The following GPR161 variants were observed in gnomAD, a reference collection of about 807,000 sequenced individuals.
GPR161 encodes the protein G protein-coupled receptor 161, also known as G-protein coupled receptor RE2.
In GPR161, 25 loss-of-function variants were observed where a neutral mutation model predicts 39.2. That is an observed-to-expected ratio of 0.64 (90% CI 0.47 to 0.89). The LOEUF is 0.89. Ranked by LOEUF, GPR161 falls within the 40% of genes least tolerant of loss-of-function variation. GPR161 has a pLI of 0.00. For missense variants in GPR161, 547 were observed against 677.8 expected (o/e 0.81, Z 2.14); for synonymous variants, 286 against 276.6 (o/e 1.03, Z -0.34).
chr1:168,120,567 G>T (rs1405056454), intron 1 of GPR161, among the ~76,000 whole-genome samples: 1 of 152,178 alleles, frequency 6.6e-6, no homozygotes, highest in Non-Finnish European at 1.5e-5. Context: ...AAGGACATTA[G>T]ATTTGGGAGG....
chr1:168,111,517 AGAAAG>A (rs1387617701), intron 1 of GPR161, among the ~76,000 whole-genome samples: 1 of 152,228 alleles, frequency 6.6e-6, no homozygotes, highest in Non-Finnish European at 1.5e-5. Context: ...TGGCAAAGAC[AGAAAG>A]GGAGCCTGGA....
chr1:168,101,851 G>A (rs879598830), intron 2 of GPR161, among the ~76,000 whole-genome samples: 9 of 151,990 alleles, frequency 5.9e-5, no homozygotes, highest in Non-Finnish European at 1.2e-4. Context: ...TTGTCACCCA[G>A]GCTGGAGTGC....
At chr1:168,129,595 A>C (rs1221583542) in intron 1 of GPR161, among the ~76,000 whole-genome samples, 1 of 152,226 alleles carries the variant, frequency 6.6e-6, no homozygotes, top group Non-Finnish European at 1.5e-5. Flanking sequence ...GGTCATGGTA[A>C]CAGAAGTGTT....
At chr1:168,123,923 A>G (rs1423753462) in intron 1 of GPR161, among the ~76,000 whole-genome samples, 1 of 152,232 alleles carries the variant, frequency 6.6e-6, no homozygotes, top group Non-Finnish European at 1.5e-5. Flanking sequence ...CCAGCTAGTC[A>G]ACCCCTTTTT....
At position 168,131,231 on chromosome 1, in the gene GPR161, A is replaced by G. The variant is rs1418065499; in HGVS notation, c.-45+5508T>C. Among the ~76,000 whole-genome samples, 14 of 144,606 alleles carry G rather than the reference A, an allele frequency of 9.7e-5. No homozygotes were observed. The East Asian group carries it at 2.8e-3, about 29-fold the overall frequency. 94.9% of individuals were successfully genotyped at this position (144,606 alleles called of 152,430 possible). ...GATCTCACCCCCACCCTTACCCCCC[A>G]CACCAATCTCTCCTCCCAACTATTG... is the stretch of plus-strand genomic sequence containing the variant. On this transcript the variant is annotated intron_variant, in intron 1 of 5. Coordinates refer to ENST00000682931, the MANE Select transcript of GPR161 (RefSeq NM_001375883.1).
intron 4 of GPR161, 179 bp downstream of exon 4, chr1:168,090,385 G>C: frequency 1.9e-6 from 1 of 518,960 alleles, no homozygotes; most frequent in Middle Eastern, 4.2e-4. Flanking sequence ...CTGAGACACA[G>C]GAAAGCTGAA....
chr1:168,114,743 C>T (rs1572343683), intron 1 of GPR161, among the ~76,000 whole-genome samples: 1 of 152,220 alleles, frequency 6.6e-6, no homozygotes, highest in African/African-American at 2.4e-5. Context: ...GTGCCTGGAG[C>T]AGCATCTGGT....
intron 2 of GPR161, among the ~76,000 whole-genome samples, chr1:168,101,731 T>C (rs904046875): frequency 5.9e-5 from 9 of 152,230 alleles, no homozygotes; most frequent in African/African-American, 1.4e-4. Context: ...GCCTGGAATA[T>C]GACAAGCGTG....
chr1:168,137,544 C>G, upstream of GPR161: 1 of 704,304 alleles, frequency 1.4e-6, no homozygotes, highest in East Asian at 2.7e-5. Flanking sequence ...GCCCTGCACT[C>G]CCTCGGAACC....
chr1:168,130,859 C>G (rs2102262675), intron 1 of GPR161, among the ~76,000 whole-genome samples: 1 of 152,242 alleles, frequency 6.6e-6, no homozygotes, highest in East Asian at 1.9e-4. Context: ...TTTCTCTACC[C>G]TAGATAAAAC....
chr1:168,096,705 A>G lies in GPR161; in HGVS notation c.902T>C (p.Val301Ala), dbSNP rs1435602102. The stretch of plus-strand genomic sequence containing the variant: ...GGCCCAAGTCTCCAGGCTCGGGGAG[A>G]CGGAGCTTTTCCCCCAGAGGGCCTC... The part of the protein sequence containing the change: ...ASEALWGKSS[V>A]SPSLETWATW... The change falls in exon 3 of 6, where the codon GTC becomes GCC. Residue 301 changes from valine (V) to alanine (A), a missense_variant. Transcript: ENST00000682931. 1.1e-5 allele frequency: 17 copies of G among 1,613,830 alleles called. No homozygotes were observed. Among genetic ancestry groups the G allele is most frequent in the Middle Eastern group, 1.6e-4 (1 of 6,062 alleles).
intron 1 of GPR161, chr1:168,135,178 G>T: frequency 1.8e-6 from 2 of 1,082,812 alleles, no homozygotes; most frequent in Non-Finnish European, 2.5e-6. Flanking sequence ...CTGAGTTAAA[G>T]AACTCACCTG....
chr1:168,127,818 G>A, intron 1 of GPR161, among the ~76,000 whole-genome samples: 1 of 152,192 alleles, frequency 6.6e-6, no homozygotes, highest in East Asian at 1.9e-4. Flanking sequence ...AATTCAAGAT[G>A]AGATTTGGCT....
At chr1:168,103,500 A>G (rs4657730) in intron 2 of GPR161, among the ~76,000 whole-genome samples, 1 of 151,676 alleles carries the variant, frequency 6.6e-6, no homozygotes, top group African/African-American at 2.4e-5. Flanking sequence ...TCCCCAGTGC[A>G]GCCACAAAGA....
Position 168,104,772 on chromosome 1 carries a change from T to A in GPR161, c.79A>T (p.Ile27Phe), listed in dbSNP as rs747924057. The stretch of plus-strand genomic sequence containing the variant: ...ATGATGGCGATGAACTGGGTGATGA[T>A]GACGCCCCCTTCGCCACCCTCCTCC... The part of the protein sequence containing the change: ...TEEEGGEGGV[I>F]ITQFIAIIVI... Residue 27 changes from isoleucine to phenylalanine, a missense_variant, in exon 2 of 6, where the codon ATC becomes TTC. Transcript: ENST00000682931. The A allele has an allele frequency of 6.2e-7, 1 of 1,613,972 alleles. No individual in the cohort carries two copies. Among genetic ancestry groups the A allele is most frequent in the South Asian group, 1.1e-5 (1 of 91,076 alleles).
rs1437488349 is a variant in GPR161, at chr1:168,084,723, A to G, written c.*808T>C. 4.7e-6 allele frequency: 2 copies of G among 423,890 alleles called. No homozygotes were observed. The highest frequency in any genetic ancestry group is 2.1e-5 in the African/African-American group (1 of 48,468). 26.3% of individuals were successfully genotyped at this position (423,890 alleles called of 1,614,324 possible). ...CTATTTCCTGGCTGTGCTTGGCACT[A>G]CAGTCCCATTCAGTCCGGTAAAACA... On this transcript the variant is annotated 3_prime_UTR_variant, in exon 6 of 6. Coordinates refer to ENST00000682931, the MANE Select transcript of GPR161 (RefSeq NM_001375883.1).
intron 2 of GPR161, among the ~76,000 whole-genome samples, chr1:168,101,287 G>A (rs1021236541): frequency 6.6e-6 from 1 of 152,118 alleles, no homozygotes; most frequent in Admixed American, 6.5e-5. Context: ...TTTAGCTAAG[G>A]TTCTCAGCTG....
At chr1:168,123,867 A>G (rs1190817478) in intron 1 of GPR161, among the ~76,000 whole-genome samples, 1 of 152,228 alleles carries the variant, frequency 6.6e-6, no homozygotes, top group Non-Finnish European at 1.5e-5. Flanking sequence ...TTGACGCTGA[A>G]GCAGCCCAAG....
chr1:168,090,586 G>A lies in GPR161; in HGVS notation c.1182C>T (p.Gly394=), dbSNP rs372603082. Residue 394 remains glycine (G), a synonymous_variant, in exon 4 of 6, where the codon GGC becomes GGT. Coordinates refer to ENST00000682931, the MANE Select transcript of GPR161 (RefSeq NM_001375883.1). ...TACCTGAGTCCTGGGAGCAGCTGAAGCCAGTGTCCCCCGTGCTGCTGCTGT... is the reference window on the plus strand; with the variant it reads ...TACCTGAGTCCTGGGAGCAGCTGAAACCAGTGTCCCCCGTGCTGCTGCTGT... ...LGHSSSTGDT[G]FSCSQDSGTD... is the part of the protein sequence containing the mutation. 200 of 1,606,938 alleles carry A rather than the reference G, an allele frequency of 1.2e-4. No individual in the cohort carries two copies. Among genetic ancestry groups the A allele is most frequent in the Non-Finnish European group, 1.6e-4 (189 of 1,173,662 alleles).
Sources: gnomAD v4.1 joint callset for allele counts (sites outside exome capture counted in the v4.1 genomes callset) on GRCh38, gnomAD v4.1.1 for gene constraint, MANE v1.5 for transcripts, NCBI Gene and HGNC (gene_info 2026-07-23, HGNC 2026-07-21) for gene names.